The following SUPT3H variants were observed in gnomAD, a reference collection of about 807,000 sequenced individuals.
SUPT3H encodes transcription initiation protein SPT3 homolog.
SUPT3H carries 44 observed loss-of-function variants against 44.3 expected under a neutral mutation model. The ratio of observed to expected loss-of-function variants is 0.99; its 90% CI spans 0.78 to 1.28. The LOEUF is 1.28. Among genes scored for constraint, SUPT3H ranks in the 50% most tolerant of loss-of-function variants. SUPT3H has a pLI of 0.00. For synonymous variants in SUPT3H, 124 were observed against 125.6 expected (o/e 0.99, Z 0.09); for missense variants, 380 against 387.1 (o/e 0.98, Z 0.15).
intron 10 of SUPT3H, among the ~76,000 whole-genome samples, chr6:44,924,164 G>T (rs1024742983): frequency 6.6e-6 from 1 of 152,030 alleles, no homozygotes; most frequent in African/African-American, 2.4e-5. Context: ...ATGGAAGCAC[G>T]TGCCAGATAT....
intron 2 of SUPT3H, among the ~76,000 whole-genome samples, chr6:45,176,707 C>A (rs1811977982): frequency 2.0e-5 from 3 of 152,304 alleles, no homozygotes; most frequent in African/African-American, 7.2e-5. Context: ...AGTGGTTCTC[C>A]CAGCACCCAG....
intron 2 of SUPT3H, among the ~76,000 whole-genome samples, chr6:45,109,626 A>G (rs895438501): frequency 6.6e-6 from 1 of 152,124 alleles, no homozygotes; most frequent in Non-Finnish European, 1.5e-5. Flanking sequence ...TTGGTACTTC[A>G]GTTTTTCTCC....
chr6:44,819,971 C>T (rs1156514561), intron 11 of SUPT3H, among the ~76,000 whole-genome samples: 1 of 152,124 alleles, frequency 6.6e-6, no homozygotes, highest in East Asian at 1.9e-4. Flanking sequence ...GCCTGTAATC[C>T]CAACACTTTG....
chr6:45,283,519 T>A (rs1778593599), intron 2 of SUPT3H, among the ~76,000 whole-genome samples: 1 of 151,908 alleles, frequency 6.6e-6, no homozygotes. Flanking sequence ...AGGGATCAAT[T>A]CAACAAGAAG....
intron 2 of SUPT3H, among the ~76,000 whole-genome samples, chr6:45,174,659 C>T (rs1373571928): frequency 6.6e-6 from 1 of 152,154 alleles, no homozygotes; most frequent in Non-Finnish European, 1.5e-5. Flanking sequence ...AACACACAGT[C>T]TGTAGTAACA....
At chr6:45,311,652 C>T (rs1358774196) in intron 2 of SUPT3H, among the ~76,000 whole-genome samples, 2 of 152,062 alleles carry the variant, frequency 1.3e-5, no homozygotes, top group Non-Finnish European at 2.9e-5. Context: ...GGATTGGGGC[C>T]CTATCTTCAA....
chr6:45,105,582 G>A (rs1799160857), intron 3 of SUPT3H, among the ~76,000 whole-genome samples: 1 of 152,056 alleles, frequency 6.6e-6, no homozygotes, highest in South Asian at 2.1e-4. Context: ...ATACTTTATT[G>A]TTACAAAATG....
At chr6:45,364,424 C>A (rs1329069238) in intron 2 of SUPT3H, among the ~76,000 whole-genome samples, 1 of 152,128 alleles carries the variant, frequency 6.6e-6, no homozygotes, top group Non-Finnish European at 1.5e-5. Context: ...CAGATATATT[C>A]TTTTCAACTA....
At chr6:45,092,107 C>G (rs1416779688) in intron 3 of SUPT3H, among the ~76,000 whole-genome samples, 2 of 151,834 alleles carry the variant, frequency 1.3e-5, no homozygotes, top group African/African-American at 4.8e-5. Context: ...ATTATTTTAT[C>G]TTGGCTCTAC....
intron 5 of SUPT3H, 135 bp from the exon 6 acceptor site, chr6:45,003,927 T>C: frequency 1.0e-6 from 1 of 1,004,758 alleles, no homozygotes; most frequent in Non-Finnish European, 1.4e-6. Context: ...TAAAAAATTC[T>C]TGCATTCAAA....
In SUPT3H at chr6:45,081,162, G is replaced by C. The variant is rs547647820; in HGVS notation, c.186+24760C>G. Among the ~76,000 whole-genome samples, 85 of 152,026 alleles carry C rather than the reference G, an allele frequency of 5.6e-4. No homozygotes were observed. The Middle Eastern group carries it at 0.01, about 18-fold the overall frequency. On this transcript the variant is annotated intron_variant, in intron 3 of 10. Transcript: ENST00000371459. ...CTTCTCTCCTGAACAAAGCCAAAGA[G>C]AGTGAAATTGACAGAGAGAAAAACA...
At chr6:44,941,595 G>T (rs1012029629) in intron 9 of SUPT3H, among the ~76,000 whole-genome samples, 4 of 152,194 alleles carry the variant, frequency 2.6e-5, no homozygotes, top group East Asian at 1.9e-4. Flanking sequence ...AATAATAGAG[G>T]TTCACTAAAT....
At chr6:45,178,207 T>A (rs1056937074) in intron 2 of SUPT3H, among the ~76,000 whole-genome samples, 8 of 151,838 alleles carry the variant, frequency 5.3e-5, no homozygotes, top group Non-Finnish European at 8.8e-5. Flanking sequence ...TAGGCTCAAA[T>A]AAAAGGATAG....
intron 3 of SUPT3H, among the ~76,000 whole-genome samples, chr6:45,042,525 A>G (rs1788699847): frequency 6.6e-6 from 1 of 152,218 alleles, no homozygotes; most frequent in Non-Finnish European, 1.5e-5. Flanking sequence ...GCAGATACTC[A>G]TATTTGGTAT....
chr6:44,910,422 A>C (rs1036778769), intron 10 of SUPT3H, among the ~76,000 whole-genome samples: 3 of 152,158 alleles, frequency 2.0e-5, no homozygotes, highest in Admixed American at 6.5e-5. Context: ...TTTCCAATTA[A>C]ATGACAAAAT....
At chr6:45,298,144 T>C (rs949771071) in intron 2 of SUPT3H, among the ~76,000 whole-genome samples, 1 of 152,148 alleles carries the variant, frequency 6.6e-6, no homozygotes, top group African/African-American at 2.4e-5. Flanking sequence ...GTTAGGACTT[T>C]CGATAATTTA....
chr6:44,892,003 T>C (rs1443061850), intron 10 of SUPT3H, among the ~76,000 whole-genome samples: 4 of 152,226 alleles, frequency 2.6e-5, no homozygotes, highest in African/African-American at 9.6e-5. Flanking sequence ...ATATTTATTA[T>C]TTCTCTTATT....
At chr6:44,970,545 T>C (rs1324160202) in intron 6 of SUPT3H, among the ~76,000 whole-genome samples, 1 of 152,170 alleles carries the variant, frequency 6.6e-6, no homozygotes, top group Non-Finnish European at 1.5e-5. Flanking sequence ...CTTTGACTTT[T>C]TGTTTTCCTG....
intron 2 of SUPT3H, among the ~76,000 whole-genome samples, chr6:45,136,500 G>A (rs1044994542): frequency 6.6e-5 from 10 of 151,784 alleles, no homozygotes; most frequent in African/African-American, 1.7e-4. Flanking sequence ...AAGTCAAGCA[G>A]TCATTATAAA....
Sources: allele counts gnomAD v4.1 joint callset (sites outside exome capture counted in the v4.1 genomes callset), GRCh38; gene constraint gnomAD v4.1.1; transcripts MANE v1.5; gene names NCBI Gene and HGNC (gene_info 2026-07-23, HGNC 2026-07-21).